Variants in CNTN4 observed in about 807,000 individuals in gnomAD.
The protein encoded by CNTN4 is contactin-4.
Under a neutral mutation model 122.5 loss-of-function variants are expected in CNTN4, and 77 were observed. That is an observed-to-expected ratio of 0.63 (90% CI 0.52 to 0.76). The LOEUF is 0.76. Ranked by LOEUF, CNTN4 falls within the 30% of genes least tolerant of loss-of-function variation. The probability of loss-of-function intolerance (pLI) is 0.00; values close to 1 mark genes in which losing one functional copy is unlikely to be tolerated. For synonymous variants in CNTN4, 512 were observed against 447.0 expected (o/e 1.15, Z -1.83); for missense variants, 1,256 against 1,259.1 (o/e 1.00, Z 0.04).
chr3:3,043,335 T>C lies in CNTN4; in HGVS notation c.2698+172T>C, dbSNP rs117621227. ...CCGTATACCACGCAAAATTCATTGC[T>C]GTGGAGGACAGAAAGATAAATGTTT... On this transcript the variant is annotated intron_variant, in intron 22 of 24. Coordinates refer to ENST00000418658, the MANE Select transcript of CNTN4 (RefSeq NM_175607.3). 1.7e-3 allele frequency among the ~76,000 whole-genome samples: 258 copies of C among 152,352 alleles called. 6 individuals are homozygous for C. Among genetic ancestry groups the C allele is most frequent in the East Asian group, 0.014 (74 of 5,184 alleles).
At chr3:2,849,629 T>C (rs2093513551) in intron 7 of CNTN4, among the ~76,000 whole-genome samples, 1 of 152,232 alleles carries the variant, frequency 6.6e-6, no homozygotes, top group South Asian at 2.1e-4. Flanking sequence ...AAACATTGGC[T>C]GTTCCCTACT....
chr3:2,690,977 G>T (rs1372142736), intron 4 of CNTN4, among the ~76,000 whole-genome samples: 1 of 152,124 alleles, frequency 6.6e-6, no homozygotes, highest in African/African-American at 2.4e-5. Context: ...CAATGCCCTA[G>T]CCCTAGAGAA....
At chr3:2,344,786 G>C (rs1048664281) in intron 3 of CNTN4, among the ~76,000 whole-genome samples, 2 of 152,142 alleles carry the variant, frequency 1.3e-5, no homozygotes, top group Admixed American at 6.5e-5. Context: ...TTAGGAAATA[G>C]ACCCTCCATA....
chr3:2,822,244 TG>T (rs1481911415), intron 7 of CNTN4, among the ~76,000 whole-genome samples: 1 of 152,256 alleles, frequency 6.6e-6, no homozygotes, highest in East Asian at 1.9e-4. Context: ...ATATGAGTTT[TG>T]ATCCTTGTTC....
intron 3 of CNTN4, among the ~76,000 whole-genome samples, chr3:2,481,129 T>A (rs1157836515): frequency 6.8e-6 from 1 of 146,722 alleles, no homozygotes; most frequent in African/African-American, 2.5e-5. Context: ...TTCTCCCTCT[T>A]TCTTTCTCTC....
At chr3:2,735,377 T>C (rs2089008233) in intron 4 of CNTN4, among the ~76,000 whole-genome samples, 1 of 152,220 alleles carries the variant, frequency 6.6e-6, no homozygotes, top group African/African-American at 2.4e-5. Context: ...GTATGGTTTG[T>C]GGATCATTCC....
chr3:2,441,723 T>C, intron 3 of CNTN4, among the ~76,000 whole-genome samples: 1 of 152,186 alleles, frequency 6.6e-6, no homozygotes, highest in East Asian at 1.9e-4. Flanking sequence ...TAGAAAGGCC[T>C]GTCTCCAGAT....
chr3:2,633,387 G>A (rs967500428), intron 4 of CNTN4, among the ~76,000 whole-genome samples: 6 of 152,098 alleles, frequency 3.9e-5, no homozygotes, highest in Non-Finnish European at 7.4e-5. Context: ...AGTGCTATGC[G>A]TCCAAATTCT....
chr3:2,606,849 G>A (rs1209831075), intron 4 of CNTN4, among the ~76,000 whole-genome samples: 1 of 152,170 alleles, frequency 6.6e-6, no homozygotes, highest in East Asian at 1.9e-4. Context: ...ATGGAAGATA[G>A]TAAGTAAAAC....
chr3:2,969,585 G>A (rs1577445104), intron 13 of CNTN4, among the ~76,000 whole-genome samples: 1 of 152,042 alleles, frequency 6.6e-6, no homozygotes, highest in African/African-American at 2.4e-5. Context: ...TACAGTAGAT[G>A]TCCAATCCAC....
chr3:2,894,887 G>A (rs1241288496), intron 10 of CNTN4, among the ~76,000 whole-genome samples: 1 of 152,164 alleles, frequency 6.6e-6, no homozygotes, highest in African/African-American at 2.4e-5. Flanking sequence ...TTATTGGAGT[G>A]GAGGACAAAG....
intron 2 of CNTN4, among the ~76,000 whole-genome samples, chr3:2,335,991 A>G (rs1454348536): frequency 1.3e-5 from 2 of 152,162 alleles, no homozygotes; most frequent in Admixed American, 1.3e-4. Flanking sequence ...ACTGAAGAAT[A>G]AGACAACACA....
intron 4 of CNTN4, among the ~76,000 whole-genome samples, chr3:2,672,055 G>T (rs934304768): frequency 2.0e-5 from 3 of 152,216 alleles, no homozygotes; most frequent in Non-Finnish European, 4.4e-5. Flanking sequence ...AGGCTACTCA[G>T]GGGTCAGGGA....
intron 4 of CNTN4, among the ~76,000 whole-genome samples, chr3:2,657,365 G>GT: frequency 6.6e-6 from 1 of 152,304 alleles, no homozygotes; most frequent in Admixed American, 6.5e-5. Context: ...AATCTCTCCA[G>GT]TGGGTAATGG....
intron 3 of CNTN4, among the ~76,000 whole-genome samples, chr3:2,493,264 A>G (rs2076366387): frequency 6.6e-6 from 1 of 152,010 alleles, no homozygotes; most frequent in Admixed American, 6.6e-5. Context: ...TAATTGACTC[A>G]ATGGGACTAC....
At chr3:2,945,414 C>T (rs2094665923) in intron 13 of CNTN4, among the ~76,000 whole-genome samples, 1 of 152,170 alleles carries the variant, frequency 6.6e-6, no homozygotes, top group African/African-American at 2.4e-5. Context: ...CCTCAAAAAG[C>T]AGACTCAGGG....
intron 13 of CNTN4, among the ~76,000 whole-genome samples, chr3:2,976,017 C>A (rs1693385463): frequency 6.6e-6 from 1 of 152,076 alleles, no homozygotes; most frequent in Non-Finnish European, 1.5e-5. Context: ...ATTTAAGAAA[C>A]AAATTTTAGG....
intron 3 of CNTN4, among the ~76,000 whole-genome samples, chr3:2,488,777 A>G (rs996407276): frequency 3.9e-5 from 6 of 152,218 alleles, no homozygotes; most frequent in African/African-American, 1.4e-4. Flanking sequence ...AAGCTTGTGT[A>G]GTAGCATTCA....
chr3:2,975,923 T>A (rs1693374978), intron 13 of CNTN4, among the ~76,000 whole-genome samples: 2 of 152,208 alleles, frequency 1.3e-5, no homozygotes, highest in Non-Finnish European at 2.9e-5. Context: ...TGAAATTGTC[T>A]CAGGTCCTAA....
Sources: gnomAD v4.1 joint callset for allele counts (sites outside exome capture counted in the v4.1 genomes callset) on GRCh38, gnomAD v4.1.1 for gene constraint, MANE v1.5 for transcripts, NCBI Gene and HGNC (gene_info 2026-07-23, HGNC 2026-07-21) for gene names.